SNX29: variants seen among roughly 807,000 people sequenced by gnomAD.
SNX29 encodes the protein sorting nexin 29.
Under a neutral mutation model 102.1 loss-of-function variants are expected in SNX29, and 78 were observed. That is an observed-to-expected ratio of 0.76 (90% confidence interval 0.64 to 0.92). The LOEUF is 0.92. Among genes scored for constraint, SNX29 ranks in the 40% least tolerant of loss-of-function variants. The pLI is 0.00. For missense variants in SNX29, 1,280 were observed against 1,061.7 expected, an observed-to-expected ratio of 1.21 and a Z score of -2.86; for synonymous variants, 580 against 414.5, an observed-to-expected ratio of 1.40 and a Z score of -4.85.
chr16:12,400,992 T>C (rs2083917676), intron 17 of SNX29, among the ~76,000 whole-genome samples: 1 of 151,904 alleles, frequency 6.6e-6, no homozygotes, highest in South Asian at 2.1e-4. Context: ...CCGGCTATGA[T>C]TTTTTTTGTT....
intron 14 of SNX29, among the ~76,000 whole-genome samples, chr16:12,254,346 C>T (rs1053561662): frequency 6.6e-6 from 1 of 152,052 alleles, no homozygotes; most frequent in Non-Finnish European, 1.5e-5. Flanking sequence ...AAAGGAGATA[C>T]CAGCAAAAGA....
chr16:12,558,372 C>G (rs182412636), intron 20 of SNX29, among the ~76,000 whole-genome samples: 2 of 152,166 alleles, frequency 1.3e-5, no homozygotes, highest in African/African-American at 4.8e-5. Context: ...CATTGGTAAC[C>G]ATCGGAATTT....
At chr16:12,104,087 G>A (rs1165685849) in intron 11 of SNX29, among the ~76,000 whole-genome samples, 1 of 152,234 alleles carries the variant, frequency 6.6e-6, no homozygotes, top group Non-Finnish European at 1.5e-5. Flanking sequence ...GTCAGAGTTT[G>A]TTTCCTTGAA....
intron 19 of SNX29, among the ~76,000 whole-genome samples, chr16:12,485,415 A>G (rs574174811): frequency 1.3e-5 from 2 of 152,372 alleles, no homozygotes; most frequent in African/African-American, 4.8e-5. Flanking sequence ...TTTGGCATTA[A>G]GGCAAGGCAA....
At chr16:12,450,401 G>T (rs2086251408) in intron 18 of SNX29, among the ~76,000 whole-genome samples, 2 of 152,160 alleles carry the variant, frequency 1.3e-5, no homozygotes, top group Admixed American at 6.5e-5. Flanking sequence ...TGTGGAAGCT[G>T]CAAATGGGAT....
intron 18 of SNX29, among the ~76,000 whole-genome samples, chr16:12,455,876 C>A (rs1029970197): frequency 1.3e-5 from 2 of 152,136 alleles, no homozygotes; most frequent in Non-Finnish European, 2.9e-5. Context: ...CTCTTCCTTC[C>A]ATTTATCCAT....
At chr16:12,271,220 G>C (rs1380298277) in intron 14 of SNX29, among the ~76,000 whole-genome samples, 2 of 152,230 alleles carry the variant, frequency 1.3e-5, no homozygotes, top group African/African-American at 4.8e-5. Flanking sequence ...CCACATGCCT[G>C]GCTCAGGGTC....
intron 15 of SNX29, among the ~76,000 whole-genome samples, chr16:12,281,811 C>G (rs960299514): frequency 1.3e-5 from 2 of 152,082 alleles, no homozygotes; most frequent in Non-Finnish European, 2.9e-5. Context: ...TGGCTCAAAC[C>G]TGTAATCCCA....
chr16:12,554,830 A>C (rs2856789), intron 20 of SNX29, among the ~76,000 whole-genome samples: 29,541 of 152,138 alleles, frequency 0.19, 3,049 homozygotes, highest in East Asian at 0.43. Context: ...GCTCTGTGCC[A>C]TTCTTTCCGT....
At chr16:12,550,210 A>C (rs1336232057) in intron 20 of SNX29, among the ~76,000 whole-genome samples, 1 of 152,236 alleles carries the variant, frequency 6.6e-6, no homozygotes, top group Non-Finnish European at 1.5e-5. Context: ...AAAGCATGGA[A>C]GAGTACCACA....
At chr16:12,541,126 A>C (rs2077316173) in intron 20 of SNX29, among the ~76,000 whole-genome samples, 2 of 152,092 alleles carry the variant, frequency 1.3e-5, no homozygotes, top group African/African-American at 4.8e-5. Flanking sequence ...GAGGGGAGAC[A>C]CAGGGGGAGG....
chr16:12,025,637 A>G (rs374431075), intron 3 of SNX29, among the ~76,000 whole-genome samples: 31 of 152,332 alleles, frequency 2.0e-4, no homozygotes, highest in Middle Eastern at 6.8e-3. Context: ...GTCATTTGCC[A>G]GTGGTGGCCT....
intron 6 of SNX29, among the ~76,000 whole-genome samples, chr16:12,047,071 C>CA (rs2050118833): frequency 6.6e-6 from 1 of 152,214 alleles, no homozygotes; most frequent in Non-Finnish European, 1.5e-5. Flanking sequence ...CCCTTGCTAC[C>CA]TGGTGACCTG....
At chr16:12,516,944 C>G (rs1212016288) in intron 19 of SNX29, among the ~76,000 whole-genome samples, 3 of 152,196 alleles carry the variant, frequency 2.0e-5, no homozygotes, top group Non-Finnish European at 2.9e-5. Context: ...AGCTATTCTT[C>G]ATTTGATGAT....
At chr16:12,535,619 C>T (rs924893622) in intron 20 of SNX29, among the ~76,000 whole-genome samples, 1 of 152,148 alleles carries the variant, frequency 6.6e-6, no homozygotes, top group Non-Finnish European at 1.5e-5. Context: ...CACTGTCAGT[C>T]ACACCAACAT....
chr16:12,510,687 A>C (rs922342644), intron 19 of SNX29, among the ~76,000 whole-genome samples: 1 of 151,828 alleles, frequency 6.6e-6, no homozygotes, highest in Admixed American at 6.6e-5. Flanking sequence ...AAAAGAAAAC[A>C]AAACAAAACA....
At chr16:12,186,627 C>G (rs1345651901) in intron 13 of SNX29, among the ~76,000 whole-genome samples, 1 of 152,188 alleles carries the variant, frequency 6.6e-6, no homozygotes, top group African/African-American at 2.4e-5. Context: ...GAGTTGGGAT[C>G]CAGTCCAGGA....
intron 20 of SNX29, among the ~76,000 whole-genome samples, chr16:12,554,967 A>AG (rs1052979944): frequency 1.1e-4 from 16 of 150,592 alleles, no homozygotes; most frequent in South Asian, 2.1e-4. Flanking sequence ...GGAGGTGGTG[A>AG]GGGGGGTCAG....
intron 18 of SNX29, among the ~76,000 whole-genome samples, chr16:12,463,290 A>T (rs2086894726): frequency 6.6e-6 from 1 of 152,088 alleles, no homozygotes; most frequent in South Asian, 2.1e-4. Context: ...TTGCCTAATC[A>T]CCTCTGTATT....
Sources: allele counts gnomAD v4.1 joint callset (sites outside exome capture counted in the v4.1 genomes callset), GRCh38; gene constraint gnomAD v4.1.1; transcripts MANE v1.5; gene names NCBI Gene and HGNC (gene_info 2026-07-23, HGNC 2026-07-21).